Variants in WWP2 observed in about 807,000 individuals in gnomAD.
WWP2 encodes NEDD4-like E3 ubiquitin-protein ligase WWP2.
A neutral mutation model predicts 121.0 loss-of-function variants in WWP2; 57 were observed. That is an observed-to-expected ratio of 0.47 (90% CI 0.38 to 0.59). WWP2 has a LOEUF of 0.59. Ranked by LOEUF, WWP2 falls within the 20% of genes least tolerant of loss-of-function variation. The pLI is 0.00. For missense variants in WWP2, 962 were observed against 1,158.9 expected, an observed-to-expected ratio of 0.83 and a Z score of 2.47; for synonymous variants, 449 against 441.3, an observed-to-expected ratio of 1.02 and a Z score of -0.22.
intron 7 of WWP2, among the ~76,000 whole-genome samples, chr16:69,874,250 C>T (rs2057695506): frequency 6.6e-6 from 1 of 152,204 alleles, no homozygotes; most frequent in Non-Finnish European, 1.5e-5. Context: ...AGAACAGTGT[C>T]ACCTTTGCCG....
chr16:69,913,833 G>A lies in WWP2; in HGVS notation c.1005-3876G>A, dbSNP rs1053681029. Reference sequence around the variant, plus strand: ...GCATGTAATCCCAGCACTTTGGGAGGGCGAGGCAGGTGGATCACCTGAGAT... The same window carrying A: ...GCATGTAATCCCAGCACTTTGGGAGAGCGAGGCAGGTGGATCACCTGAGAT... On this transcript the variant is annotated intron_variant, in intron 9 of 23. Coordinates refer to ENST00000359154, the MANE Select transcript of WWP2 (RefSeq NM_001270454.2). Among the ~76,000 whole-genome samples, 4 of 151,980 alleles carry A rather than the reference G, an allele frequency of 2.6e-5. No individual in the cohort carries two copies. In the South Asian group the frequency reaches 6.2e-4, roughly 24 times the overall value.
chr16:69,882,162 A>T (rs1253256150), intron 7 of WWP2, among the ~76,000 whole-genome samples: 1 of 136,406 alleles, frequency 7.3e-6, no homozygotes, highest in Non-Finnish European at 1.6e-5. Context: ...CACCATGTTG[A>T]CCACACTGGT....
At chr16:69,919,826 T>C (rs1037191134) in intron 10 of WWP2, among the ~76,000 whole-genome samples, 2 of 150,132 alleles carry the variant, frequency 1.3e-5, no homozygotes, top group Non-Finnish European at 3.0e-5. Context: ...GGTCTCATTC[T>C]GTGTCACCCA....
chr16:69,938,947 T>C (rs2058838442), intron 21 of WWP2, 80 bp from the exon 22 acceptor site: 2 of 1,370,018 alleles, frequency 1.5e-6, no homozygotes, highest in East Asian at 2.5e-5. Flanking sequence ...GGGGCCCCGC[T>C]GAGCTAGAGA....
At position 69,887,933 on chromosome 16, in the gene WWP2, G is replaced by A. The variant is rs190699951; in HGVS notation, c.704-106G>A. 3.4e-5 allele frequency: 46 copies of A among 1,346,986 alleles called. No homozygotes were observed. In the East Asian group the frequency reaches 5.8e-4, roughly 17 times the overall value. 83.4% of individuals were successfully genotyped at this position (1,346,986 alleles called of 1,614,324 possible). Reference sequence around the variant, plus strand: ...TTTGCTGTCGCCCAATACATGTAGTGTAACATTGTAGATACCATGTTAGCC... The same window carrying A: ...TTTGCTGTCGCCCAATACATGTAGTATAACATTGTAGATACCATGTTAGCC... On this transcript the variant is annotated intron_variant, in intron 7 of 23. Transcript: ENST00000359154.
chr16:69,914,093 A>G (rs1274927312), intron 9 of WWP2, among the ~76,000 whole-genome samples: 1 of 150,576 alleles, frequency 6.6e-6, no homozygotes, highest in Non-Finnish European at 1.5e-5. Context: ...AAAAAAAAAA[A>G]AAAAAAAGAA....
At chr16:69,931,371 AG>A in intron 14 of WWP2, 137 bp from the exon 15 acceptor site, 1 of 1,467,326 alleles carries the variant, frequency 6.8e-7, no homozygotes, top group Non-Finnish European at 9.4e-7. Flanking sequence ...GGCTGTCTCT[AG>A]GAAGCTAGTT....
chr16:69,801,679 T>C (rs2056170752), intron 4 of WWP2, among the ~76,000 whole-genome samples: 1 of 152,124 alleles, frequency 6.6e-6, no homozygotes, highest in African/African-American at 2.4e-5. Context: ...CCGGAATAGC[T>C]GGAACCACAG....
At position 69,913,316 on chromosome 16, in the gene WWP2, A is replaced by G. The variant is rs780379591; in HGVS notation, c.1005-4393A>G. ...CCAAAGTGGTGGGATTACAGGCGTGAGCCACCACGCCCAGCCAAAAAAAAG... is the reference window on the plus strand; with the variant it reads ...CCAAAGTGGTGGGATTACAGGCGTGGGCCACCACGCCCAGCCAAAAAAAAG... On this transcript the variant is annotated intron_variant, in intron 9 of 23. Transcript: ENST00000359154. Among the ~76,000 whole-genome samples, 270 of 151,038 alleles carry G rather than the reference A, an allele frequency of 1.8e-3. 1 individual carries two copies. The highest frequency in any genetic ancestry group is 3.4e-3 in the Middle Eastern group (1 of 294).
intron 7 of WWP2, among the ~76,000 whole-genome samples, chr16:69,880,350 A>G (rs1380060481): frequency 3.3e-5 from 5 of 152,044 alleles, no homozygotes; most frequent in Admixed American, 2.6e-4. Flanking sequence ...TAAGTCCCAT[A>G]TGATTTTTAT....
rs74029472 is a variant in WWP2, at chr16:69,833,872, G to A, written c.341-6254G>A. Among the ~76,000 whole-genome samples, 869 of 152,264 alleles carry A rather than the reference G, an allele frequency of 5.7e-3. 9 individuals carry two copies. The highest frequency in any genetic ancestry group is 0.02 in the African/African-American group (829 of 41,534). ...GATTCCAAGAGATCAGTGGCCCTGC[G>A]GGGCCTGGCTGATGTGCTCGGTGGG... is the stretch of plus-strand genomic sequence containing the variant. On this transcript the variant is annotated intron_variant, in intron 4 of 23. Transcript: ENST00000359154.
intron 1 of WWP2, among the ~76,000 whole-genome samples, chr16:69,777,098 A>G (rs955368423): frequency 2.0e-5 from 3 of 151,032 alleles, no homozygotes; most frequent in African/African-American, 7.3e-5. Flanking sequence ...GGATATATAT[A>G]TACACATATG....
At chr16:69,781,498 C>T (rs997725649) in intron 1 of WWP2, among the ~76,000 whole-genome samples, 1 of 152,010 alleles carries the variant, frequency 6.6e-6, no homozygotes, top group Non-Finnish European at 1.5e-5. Context: ...AGGCATGTGC[C>T]ATCACACTCA....
chr16:69,808,602 A>G (rs931147831), intron 4 of WWP2, among the ~76,000 whole-genome samples: 1 of 152,122 alleles, frequency 6.6e-6, no homozygotes, highest in African/African-American at 2.4e-5. Flanking sequence ...GGGTTTCGCC[A>G]TGTTGGCCAG....
chr16:69,890,817 G>C (rs888527461), intron 8 of WWP2: 1 of 152,124 alleles, frequency 6.6e-6, no homozygotes, highest in Non-Finnish European at 1.5e-5. Context: ...CTGGCAGATC[G>C]AGCAGCCCAG....
At position 69,799,700 on chromosome 16, in the gene WWP2, G is replaced by A. The variant is rs910468441; in HGVS notation, c.340+405G>A. Among the ~76,000 whole-genome samples the A allele has an allele frequency of 9.2e-5, 14 of 152,182 alleles. No individual in the cohort carries two copies. Among genetic ancestry groups the A allele is most frequent in the African/African-American group, 3.4e-4 (14 of 41,454 alleles). The stretch of plus-strand genomic sequence containing the variant: ...GAGCTGTGTGTATACGTATATGTGT[G>A]TGTGTGCATGCCTGTGTGCATGTGT... On this transcript the variant is annotated intron_variant, in intron 4 of 23. Transcript: ENST00000359154. The surrounding 1 kb of genome is among the most constrained non-coding windows in gnomAD (Gnocchi z 4.5).
At position 69,807,236 on chromosome 16, in the gene WWP2, T is replaced by C. The variant is rs1022521418; in HGVS notation, c.340+7941T>C. Reference sequence around the variant, plus strand: ...TTTTAGTAGAGATGGGGTTTCACCATGTTGGCTGGGCTAATCTTGAACTCC... The same window carrying C: ...TTTTAGTAGAGATGGGGTTTCACCACGTTGGCTGGGCTAATCTTGAACTCC... On this transcript the variant is annotated intron_variant, in intron 4 of 23. Coordinates refer to ENST00000359154, the MANE Select transcript of WWP2 (RefSeq NM_001270454.2). 2.0e-5 allele frequency among the ~76,000 whole-genome samples: 3 copies of C among 152,094 alleles called. No homozygotes were observed. The East Asian group carries it at 5.8e-4, about 29-fold the overall frequency.
chr16:69,823,330 T>C (rs2056626785), intron 4 of WWP2, among the ~76,000 whole-genome samples: 1 of 152,180 alleles, frequency 6.6e-6, no homozygotes, highest in South Asian at 2.1e-4. Context: ...ACCTTCTAAG[T>C]ATGGCTGCAG....
chr16:69,854,503 C>G (rs2057274120), intron 6 of WWP2, among the ~76,000 whole-genome samples: 1 of 151,656 alleles, frequency 6.6e-6, no homozygotes, highest in African/African-American at 2.4e-5. Context: ...TAGAATGACT[C>G]CTTTCAAACG....
Sources: allele counts gnomAD v4.1 joint callset (sites outside exome capture counted in the v4.1 genomes callset), GRCh38; gene constraint gnomAD v4.1.1; non-coding constraint Gnocchi (gnomAD v3.1); transcripts MANE v1.5; gene names NCBI Gene and HGNC (gene_info 2026-07-23, HGNC 2026-07-21).